TRPM3: variants seen among roughly 807,000 people sequenced by gnomAD.
TRPM3 encodes the protein long transient receptor potential channel 3.
In TRPM3, 77 loss-of-function variants were observed where a neutral mutation model predicts 181.2. That is an observed-to-expected ratio of 0.42 (90% confidence interval 0.35 to 0.51). The LOEUF (loss-of-function observed/expected upper bound fraction) is 0.51, where lower values mean the gene tolerates loss of function less well. TRPM3 is among the 20% of genes least tolerant of loss of function. The pLI is 0.01. For missense variants in TRPM3, 1,759 were observed against 2,196.7 expected (o/e 0.80, Z 3.98); for synonymous variants, 745 against 796.4 (o/e 0.94, Z 1.09).
intron 1 of TRPM3, among the ~76,000 whole-genome samples, chr9:71,023,893 G>A (rs778590004): frequency 1.1e-4 from 16 of 152,126 alleles, no homozygotes; most frequent in Non-Finnish European, 2.2e-4. Context: ...AGGTCCTTGT[G>A]GGGATGGAAC....
intron 1 of TRPM3, among the ~76,000 whole-genome samples, chr9:71,207,240 G>A (rs540389636): frequency 5.4e-4 from 82 of 151,974 alleles, no homozygotes; most frequent in Middle Eastern, 3.4e-3. Flanking sequence ...ATTACAGACC[G>A]CATTTCTGAG....
At chr9:70,834,045 G>C (rs1358361797) in intron 5 of TRPM3, among the ~76,000 whole-genome samples, 1 of 152,196 alleles carries the variant, frequency 6.6e-6, no homozygotes, top group Admixed American at 6.5e-5. Flanking sequence ...AGAGCTAGCA[G>C]GGACACTGGC....
intron 1 of TRPM3, among the ~76,000 whole-genome samples, chr9:71,153,666 G>T (rs1279745484): frequency 6.6e-6 from 1 of 152,002 alleles, no homozygotes; most frequent in Non-Finnish European, 1.5e-5. Context: ...TTTATCTCAG[G>T]ATAATTTTGC....
At chr9:70,833,959 A>T (rs2094128821) in intron 5 of TRPM3, among the ~76,000 whole-genome samples, 2 of 152,094 alleles carry the variant, frequency 1.3e-5, no homozygotes, top group African/African-American at 2.4e-5. Context: ...CGTCTGAGAT[A>T]AAGGAACATG....
At chr9:70,816,973 G>C (rs2131518548) in intron 6 of TRPM3, among the ~76,000 whole-genome samples, 1 of 152,330 alleles carries the variant, frequency 6.6e-6, no homozygotes, top group East Asian at 1.9e-4. Flanking sequence ...TGCAGCTGCA[G>C]GAGCTATTTA....
Position 70,859,864 on chromosome 9 carries a change from A to G in TRPM3, c.462+3044T>C, listed in dbSNP as rs370007167. Among the ~76,000 whole-genome samples, 12 of 152,266 alleles carry G rather than the reference A, an allele frequency of 7.9e-5. No individual in the cohort carries two copies. In the East Asian group the frequency reaches 1.4e-3, roughly 17 times the overall value. ...TGGAGTGAGTGGATACAGGAGGTTG[A>G]CTGAAAGTGGAAATCTAAGTACGTG... On this transcript the variant is annotated intron_variant, in intron 3 of 25. Transcript: ENST00000677713.
At chr9:71,017,859 C>A (rs2097797173) in intron 1 of TRPM3, among the ~76,000 whole-genome samples, 1 of 151,688 alleles carries the variant, frequency 6.6e-6, no homozygotes, top group East Asian at 1.9e-4. Context: ...GAACTCTATA[C>A]CCAACAATGG....
intron 1 of TRPM3, among the ~76,000 whole-genome samples, chr9:71,415,873 T>C (rs949697191): frequency 4.6e-5 from 7 of 151,874 alleles, no homozygotes; most frequent in African/African-American, 1.4e-4. Flanking sequence ...AGAAAAAAAA[T>C]GTGAGAAGAT....
At chr9:71,135,118 T>C (rs367704810) in intron 1 of TRPM3, among the ~76,000 whole-genome samples, 17 of 152,232 alleles carry the variant, frequency 1.1e-4, no homozygotes, top group East Asian at 3.8e-4. Flanking sequence ...AGCATTCACC[T>C]AGAGCCAAAA....
At position 71,220,731 on chromosome 9, in the gene TRPM3, G is replaced by A. The variant is rs552485457; in HGVS notation, c.183+225922C>T. On this transcript the variant is annotated intron_variant, in intron 1 of 24. Coordinates refer to the TRPM3 transcript ENST00000357533. ...AATAACATAGCACAGATTTTGAAGA[G>A]CAAATGAGAGAATATGTGCACCTGA... Among the ~76,000 whole-genome samples the A allele has an allele frequency of 9.6e-4, 146 of 152,172 alleles. 1 individual carries two copies. The highest frequency in any genetic ancestry group is 1.9e-3 in the Non-Finnish European group (126 of 68,010).
chr9:70,795,797 C>A (rs572584241), intron 6 of TRPM3, among the ~76,000 whole-genome samples: 1 of 152,292 alleles, frequency 6.6e-6, no homozygotes, highest in African/African-American at 2.4e-5. Context: ...AGCTGTTATT[C>A]CCTTGTGGCC....
chr9:71,101,686 C>T (rs1439500574), intron 1 of TRPM3, among the ~76,000 whole-genome samples: 1 of 152,168 alleles, frequency 6.6e-6, no homozygotes, highest in Non-Finnish European at 1.5e-5. Context: ...AAAGACATCA[C>T]TTTCTATGCT....
intron 1 of TRPM3, among the ~76,000 whole-genome samples, chr9:71,262,212 T>A (rs2083104036): frequency 6.6e-6 from 1 of 152,152 alleles, no homozygotes; most frequent in South Asian, 2.1e-4. Context: ...AGATGCCCTG[T>A]CCAGAGAGGA....
At chr9:71,042,060 C>G (rs921801667) in intron 1 of TRPM3, among the ~76,000 whole-genome samples, 3 of 152,098 alleles carry the variant, frequency 2.0e-5, no homozygotes, top group Non-Finnish European at 4.4e-5. Context: ...ATCTTCCATG[C>G]GAGAGACATT....
chr9:70,547,857 G>T (rs1486893061), intron 25 of TRPM3, among the ~76,000 whole-genome samples: 1 of 152,220 alleles, frequency 6.6e-6, no homozygotes, highest in Non-Finnish European at 1.5e-5. Context: ...TAAAGGGTTT[G>T]CAGGCATGGG....
At chr9:71,260,540 T>C (rs1186354650) in intron 1 of TRPM3, among the ~76,000 whole-genome samples, 2 of 152,232 alleles carry the variant, frequency 1.3e-5, no homozygotes, top group Admixed American at 6.5e-5. Context: ...CATTTGTTTG[T>C]GTCTTCTCAT....
chr9:70,660,155 A>T (rs2060920833), intron 9 of TRPM3, among the ~76,000 whole-genome samples: 1 of 152,130 alleles, frequency 6.6e-6, no homozygotes, highest in East Asian at 1.9e-4. Context: ...TCTCCAAAAG[A>T]TTTTAAAAAA....
chr9:71,192,209 T>C (rs964514483), intron 1 of TRPM3, among the ~76,000 whole-genome samples: 4 of 151,750 alleles, frequency 2.6e-5, no homozygotes, highest in African/African-American at 9.7e-5. Context: ...TCTAGGCTTT[T>C]GAAGAGGGGA....
At chr9:70,820,248 G>C (rs990434447) in intron 6 of TRPM3, among the ~76,000 whole-genome samples, 1 of 152,126 alleles carries the variant, frequency 6.6e-6, no homozygotes, top group Admixed American at 6.5e-5. Context: ...ACAAATAATA[G>C]AGGCATAATG....
Sources: allele counts gnomAD v4.1 joint callset (sites outside exome capture counted in the v4.1 genomes callset), GRCh38; gene constraint gnomAD v4.1.1; transcripts MANE v1.5; gene names NCBI Gene and HGNC (gene_info 2026-07-23, HGNC 2026-07-21).